The following ZNF695 variants were observed in gnomAD, a reference collection of about 807,000 sequenced individuals.
ZNF695 encodes zinc finger protein SBZF3.
Under a neutral mutation model 11.2 loss-of-function variants are expected in ZNF695, and 11 were observed. That is an observed-to-expected ratio of 0.98 (90% CI 0.62 to 1.62). The LOEUF is 1.62. Among genes scored for constraint, ZNF695 ranks in the 40% most tolerant of loss-of-function variants. The pLI is 0.00. For synonymous variants in ZNF695, 190 were observed against 201.4 expected (o/e 0.94, Z 0.48); for missense variants, 559 against 590.5 (o/e 0.95, Z 0.55).
intron 5 of ZNF695, among the ~76,000 whole-genome samples, chr1:246,962,144 T>C (rs140341508): frequency 2.4e-3 from 361 of 152,378 alleles, no homozygotes; most frequent in African/African-American, 8.2e-3. Context: ...GCAATGTTTA[T>C]ATGCTAGGCT....
chr1:247,002,270 A>C (rs984761479), intron 1 of ZNF695, among the ~76,000 whole-genome samples: 2 of 152,078 alleles, frequency 1.3e-5, no homozygotes, highest in Admixed American at 6.6e-5. Flanking sequence ...GCAGAAATGA[A>C]GAAATTAAGG....
At chr1:247,001,077 T>C (rs534058518) in intron 1 of ZNF695, among the ~76,000 whole-genome samples, 4 of 152,224 alleles carry the variant, frequency 2.6e-5, no homozygotes, top group East Asian at 3.9e-4. Context: ...ACAGGCTAAA[T>C]GCCCCACTTA....
At chr1:246,977,744 G>A (rs1032088036) in intron 4 of ZNF695, among the ~76,000 whole-genome samples, 18 of 152,178 alleles carry the variant, frequency 1.2e-4, no homozygotes, top group Non-Finnish European at 7.3e-5. Context: ...AAAGACTTTT[G>A]TATAGTATCA....
At chr1:246,984,118 CA>C (rs1200832927), downstream of ZNF695, among the ~76,000 whole-genome samples, 1 of 139,584 alleles carries the variant, frequency 7.2e-6, no homozygotes, top group Non-Finnish European at 1.5e-5. Flanking sequence ...CACCAGTGCA[CA>C]CCAGCCTGGG....
At position 246,986,335 on chromosome 1, in the gene ZNF695, A is replaced by T. The variant is rs1668845513; in HGVS notation, c.*632T>A. ...CCCCGACCTCGGCATCCAAAAGTGC[A>T]GCAACTATAGGAAAGAGCCACCGTG... On this transcript the variant is annotated 3_prime_UTR_variant, in exon 4 of 4. Transcript: ENST00000339986. 2.0e-6 allele frequency: 2 copies of T among 978,548 alleles called. No individual in the cohort carries two copies. Among genetic ancestry groups the T allele is most frequent in the Non-Finnish European group, 2.4e-6 (2 of 823,692 alleles). 60.6% of individuals were successfully genotyped at this position (978,548 alleles called of 1,614,324 possible). A position where few individuals can be genotyped will look rare whatever the true frequency, so the allele number is the denominator to read the frequency against.
At chr1:246,979,159 A>G (rs990020079) in intron 4 of ZNF695, among the ~76,000 whole-genome samples, 1 of 152,102 alleles carries the variant, frequency 6.6e-6, no homozygotes, top group Non-Finnish European at 1.5e-5. Flanking sequence ...GATCCTAGAG[A>G]GCTGCTCTGG....
intron 5 of ZNF695, among the ~76,000 whole-genome samples, chr1:246,958,121 C>G (rs1009023912): frequency 3.3e-5 from 5 of 151,392 alleles, no homozygotes; most frequent in African/African-American, 4.9e-5. Context: ...TGCAGTGGCG[C>G]GATCTCGGCT....
At chr1:246,961,788 T>C (rs1668170090) in intron 5 of ZNF695, among the ~76,000 whole-genome samples, 1 of 152,188 alleles carries the variant, frequency 6.6e-6, no homozygotes, top group Non-Finnish European at 1.5e-5. Flanking sequence ...TCAGATAGCT[T>C]GAACTTAGTA....
intron 4 of ZNF695, among the ~76,000 whole-genome samples, chr1:246,971,396 T>C (rs1448044121): frequency 6.6e-6 from 1 of 152,204 alleles, no homozygotes; most frequent in African/African-American, 2.4e-5. Flanking sequence ...TCCGGATAGC[T>C]GTGGGTGGGC....
chr1:246,954,271 C>G (rs1459431531), intron 5 of ZNF695, among the ~76,000 whole-genome samples: 1 of 152,138 alleles, frequency 6.6e-6, no homozygotes, highest in Non-Finnish European at 1.5e-5. Context: ...AATAAAAACC[C>G]AAATATTGGC....
At chr1:246,949,732 G>A (rs188353988) in intron 5 of ZNF695, among the ~76,000 whole-genome samples, 123 of 152,058 alleles carry the variant, frequency 8.1e-4, no homozygotes, top group African/African-American at 2.7e-3. Flanking sequence ...ACTTCCCCAC[G>A]CCTTCTTGTT....
chr1:246,962,179 C>T lies in ZNF695; in HGVS notation c.488+5516G>A, dbSNP rs150349236. 3.6e-4 allele frequency among the ~76,000 whole-genome samples: 55 copies of T among 152,374 alleles called. No individual in the cohort carries two copies. In the East Asian group the frequency reaches 3.9e-3, roughly 11 times the overall value. ...TTGGTCTTTCCTAATGAAGGAGAGG[C>T]TGCTGACTAGTGGGGCTCAGGTCAG... On this transcript the variant is annotated intron_variant, in intron 5 of 5. Transcript: ENST00000487338.
chr1:246,989,702 C>G (rs1387071377), intron 3 of ZNF695, among the ~76,000 whole-genome samples: 1 of 152,084 alleles, frequency 6.6e-6, no homozygotes, highest in Non-Finnish European at 1.5e-5. Flanking sequence ...AACACAAGAC[C>G]CACTGACCTG....
At chr1:246,981,401 C>G (rs10754535), downstream of ZNF695, among the ~76,000 whole-genome samples, 80,462 of 152,078 alleles carry the variant, frequency 0.53, 25,327 homozygotes, top group East Asian at 0.97. Flanking sequence ...AAAATAAAAT[C>G]AGTAGGTTGA....
At chr1:246,989,462 C>CA (rs1367294292) in intron 3 of ZNF695, among the ~76,000 whole-genome samples, 1 of 151,840 alleles carries the variant, frequency 6.6e-6, no homozygotes, top group Non-Finnish European at 1.5e-5. Context: ...TACATCAAAC[C>CA]AAAAAACATA....
chr1:246,957,873 C>T (rs1342844274), intron 5 of ZNF695, among the ~76,000 whole-genome samples: 1 of 151,818 alleles, frequency 6.6e-6, no homozygotes, highest in East Asian at 1.9e-4. Context: ...GTCCTACAGA[C>T]GTGAGCCACC....
chr1:246,975,641 T>G (rs1273374434), intron 4 of ZNF695, among the ~76,000 whole-genome samples: 1 of 152,192 alleles, frequency 6.6e-6, no homozygotes, highest in East Asian at 1.9e-4. Context: ...GGCATGCAAA[T>G]GCTGAGGGCT....
intron 3 of ZNF695, among the ~76,000 whole-genome samples, chr1:246,991,257 C>CA (rs945319299): frequency 2.0e-4 from 30 of 150,012 alleles, no homozygotes; most frequent in African/African-American, 3.2e-4. Flanking sequence ...CACAGACAAC[C>CA]AAAAAAAAAT....
rs1405344521 is a variant in ZNF695 at position 246,999,392 on chromosome 1, T to C, written c.215A>G (p.Lys72Arg). 6.2e-7 allele frequency: 1 copy of C among 1,614,008 alleles called. No homozygotes were observed. ...PELIICLEAR[K>R]EPWNVNTEKT... ...CTCTGTGTTCACGTTCCAGGGCTCT[T>C]TCCTTGCCTCCAGACAGATGATCAG... is the stretch of plus-strand genomic sequence containing the variant. Residue 72 changes from lysine to arginine, a missense_variant, in exon 3 of 4, where the codon AAA (lysine) becomes AGA (arginine). By Grantham distance (26) the Lys-to-Arg change is conservative. Transcript: ENST00000339986.
Sources: allele counts gnomAD v4.1 joint callset (sites outside exome capture counted in the v4.1 genomes callset), GRCh38; gene constraint gnomAD v4.1.1; transcripts MANE v1.5; gene names NCBI Gene and HGNC (gene_info 2026-07-23, HGNC 2026-07-21).